Variants in TAOK1 observed in about 807,000 individuals in gnomAD.
TAOK1 encodes the protein TAO kinase 1, also known as serine/threonine-protein kinase TAO1.
Under a neutral mutation model 138.3 loss-of-function variants are expected in TAOK1, and 21 were observed. The ratio of observed to expected loss-of-function variants is 0.15; its 90% confidence interval spans 0.11 to 0.22. The LOEUF is 0.22. TAOK1 is among the 10% of genes least tolerant of loss of function. TAOK1 has a pLI of 1.00. For synonymous variants in TAOK1, 361 were observed against 398.4 expected (o/e 0.91, Z 1.12); for missense variants, 651 against 1,227.7 (o/e 0.53, Z 7.02).
At chr17:29,541,851 CT>C (rs1007446435) in intron 19 of TAOK1, among the ~76,000 whole-genome samples, 1 of 151,944 alleles carries the variant, frequency 6.6e-6, no homozygotes, top group Non-Finnish European at 1.5e-5. Context: ...AGGGACATCT[CT>C]TTTTATTTTT....
intron 7 of TAOK1, 26 bp downstream of exon 7, chr17:29,480,507 G>C: frequency 6.4e-7 from 1 of 1,552,042 alleles, no homozygotes; most frequent in Non-Finnish European, 8.9e-7. Flanking sequence ...GCAGTCAGCA[G>C]CTGTTTTAAG....
At chr17:29,395,503 C>T (rs1159503289) in intron 1 of TAOK1, among the ~76,000 whole-genome samples, 1 of 152,146 alleles carries the variant, frequency 6.6e-6, no homozygotes, top group Non-Finnish European at 1.5e-5. Context: ...TGCCTGACAG[C>T]CTGGGCGGCA....
chr17:29,516,675 A>G (rs1345812088), intron 15 of TAOK1, among the ~76,000 whole-genome samples: 1 of 150,638 alleles, frequency 6.6e-6, no homozygotes, highest in Admixed American at 6.6e-5. Flanking sequence ...CTAATTTTGT[A>G]TTTTTGGTAG....
At chr17:29,523,299 A>C (rs1260429743) in intron 17 of TAOK1, among the ~76,000 whole-genome samples, 1 of 152,026 alleles carries the variant, frequency 6.6e-6, no homozygotes, top group Non-Finnish European at 1.5e-5. Context: ...AAAACAAGAA[A>C]AAGTTTTCTT....
At chr17:29,397,716 C>CATGT (rs1380678017) in intron 1 of TAOK1, among the ~76,000 whole-genome samples, 3 of 95,156 alleles carry the variant, frequency 3.2e-5, no homozygotes, top group African/African-American at 5.3e-5. Context: ...CATGAATATA[C>CATGT]ATGTATGTAT....
intron 6 of TAOK1, among the ~76,000 whole-genome samples, chr17:29,479,408 G>T (rs1054883105): frequency 6.6e-6 from 1 of 151,682 alleles, no homozygotes; most frequent in Non-Finnish European, 1.5e-5. Flanking sequence ...TAAGATCTGA[G>T]AGATACCCAC....
chr17:29,472,256 G>GT (rs36070425), intron 3 of TAOK1, among the ~76,000 whole-genome samples: 81,891 of 142,760 alleles, frequency 0.57, 23,854 homozygotes, highest in East Asian at 0.95. Context: ...GCCGTTGTGT[G>GT]TTTTTTTTTT....
intron 19 of TAOK1, among the ~76,000 whole-genome samples, chr17:29,534,555 G>A (rs1844449088): frequency 6.6e-6 from 1 of 152,204 alleles, no homozygotes. Context: ...GGTGTGTGAA[G>A]ACAGTCAGCT....
In TAOK1 at chr17:29,505,805, C is replaced by T. The variant is rs7210878; in HGVS notation, c.1339-2091C>T. On this transcript the variant is annotated intron_variant, in intron 13 of 19. Transcript: ENST00000261716. ...AAAAAATTAGCTGGGTATGGTGGTG[C>T]GTGCCAGTAGTCCCAGCTACTCAGG... Among the ~76,000 whole-genome samples, 943 of 152,084 alleles carry T rather than the reference C, an allele frequency of 6.2e-3. 4 individuals are homozygous for T. Among genetic ancestry groups the T allele is most frequent in the African/African-American group, 0.021 (880 of 41,468 alleles).
At chr17:29,480,259 T>A (rs1270883637) in intron 6 of TAOK1, 109 bp from the exon 7 acceptor site, 1 of 704,920 alleles carries the variant, frequency 1.4e-6, no homozygotes, top group East Asian at 3.0e-5. Flanking sequence ...AGCACTTAAT[T>A]ATTTTGATTT....
rs147204346 is a variant in TAOK1, at chr17:29,438,836, A to T, written c.-94-12619A>T. On this transcript the variant is annotated intron_variant, in intron 1 of 19. Coordinates refer to ENST00000261716, the MANE Select transcript of TAOK1 (RefSeq NM_020791.4). ...TAATTATTTAGTCTACTGTTGTTGG[A>T]CTTTAGTAATTATTTAGTCTACTGT... Among the ~76,000 whole-genome samples, 980 of 152,220 alleles carry T rather than the reference A, an allele frequency of 6.4e-3. 13 individuals are homozygous for T. The highest frequency in any genetic ancestry group is 0.022 in the African/African-American group (927 of 41,530).
At chr17:29,475,098 G>A (rs547362490) in intron 3 of TAOK1, among the ~76,000 whole-genome samples, 3 of 151,872 alleles carry the variant, frequency 2.0e-5, no homozygotes, top group Admixed American at 2.0e-4. Flanking sequence ...ACACCACCAC[G>A]CCCAGCTAAT....
At chr17:29,509,930 TG>T (rs2031691885) in intron 14 of TAOK1, among the ~76,000 whole-genome samples, 1 of 151,330 alleles carries the variant, frequency 6.6e-6, no homozygotes, top group African/African-American at 2.4e-5. Flanking sequence ...GTTACCCAGC[TG>T]GTCTTGAACT....
rs2032464057 is a variant in TAOK1, at chr17:29,550,033, A to C, written c.*7011A>C. The C allele has an allele frequency of 6.6e-6, 1 of 152,216 alleles. No homozygotes were observed. Among genetic ancestry groups the C allele is most frequent in the East Asian group, 1.9e-4 (1 of 5,200 alleles). The allele number at this position is 152,216 out of a possible 1,614,324, so 9.4% of individuals were successfully genotyped here. Reference sequence around the variant, plus strand: ...CTTAAGGCCAGTAATTTATCTGAAAAGGTATTTTATCACACCTTGACACCT... The same window carrying C: ...CTTAAGGCCAGTAATTTATCTGAAACGGTATTTTATCACACCTTGACACCT... On this transcript the variant is annotated 3_prime_UTR_variant, in exon 20 of 20. Transcript: ENST00000261716.
intron 2 of TAOK1, among the ~76,000 whole-genome samples, chr17:29,458,852 G>A (rs1327803987): frequency 7.2e-5 from 11 of 151,994 alleles, no homozygotes; most frequent in Non-Finnish European, 1.2e-4. Context: ...GCGCCACCAC[G>A]CCCAGGTAAT....
intron 14 of TAOK1, among the ~76,000 whole-genome samples, chr17:29,510,638 A>G (rs2031704379): frequency 6.6e-6 from 1 of 152,200 alleles, no homozygotes; most frequent in Non-Finnish European, 1.5e-5. Context: ...TTGACCCTGT[A>G]AGAGATCAAC....
intron 10 of TAOK1, among the ~76,000 whole-genome samples, chr17:29,492,610 CTG>C (rs1555564857): frequency 6.6e-6 from 1 of 150,898 alleles, no homozygotes; most frequent in Non-Finnish European, 1.5e-5. Context: ...GGCCAACATG[CTG>C]AAACCCCCGT....
rs968022877 is a variant in TAOK1, at chr17:29,545,644, G to A, written c.*2622G>A. On this transcript the variant is annotated 3_prime_UTR_variant, in exon 20 of 20. Transcript: ENST00000261716. ...AAAAATGATTCAAATTAATTGGTTT[G>A]TATATGTTTGTGAGATCTAGCTTCT... 1 of 152,118 alleles carries A rather than the reference G, an allele frequency of 6.6e-6. No individual in the cohort carries two copies. Among genetic ancestry groups the A allele is most frequent in the Non-Finnish European group, 1.5e-5 (1 of 67,986 alleles). The allele number at this position is 152,118 out of a possible 1,614,324, so 9.4% of individuals were successfully genotyped here.
intron 7 of TAOK1, 106 bp downstream of exon 7, chr17:29,480,587 G>C (rs763689020): frequency 3.9e-5 from 38 of 965,836 alleles, no homozygotes; most frequent in Non-Finnish European, 6.0e-6. Flanking sequence ...TGTTAAACTC[G>C]GCCAGGTGCA....
Sources: gnomAD v4.1 joint callset for allele counts (sites outside exome capture counted in the v4.1 genomes callset) on GRCh38, gnomAD v4.1.1 for gene constraint, MANE v1.5 for transcripts, NCBI Gene and HGNC (gene_info 2026-07-23, HGNC 2026-07-21) for gene names.